Variants in SYT13 observed in about 807,000 individuals in gnomAD.
SYT13 encodes the protein synaptotagmin-13.
In SYT13, 21 loss-of-function variants were observed where a neutral mutation model predicts 38.6. The observed-to-expected ratio is 0.54, with a 90% CI of 0.39 to 0.78. The LOEUF (loss-of-function observed/expected upper bound fraction) is 0.78. Among genes scored for constraint, SYT13 ranks in the 30% least tolerant of loss-of-function variants. SYT13 has a pLI of 0.00. For synonymous variants in SYT13, 241 were observed against 237.6 expected, an observed-to-expected ratio of 1.01 and a Z score of -0.13; for missense variants, 495 against 548.7, an observed-to-expected ratio of 0.90 and a Z score of 0.98.
intron 1 of SYT13, among the ~76,000 whole-genome samples, chr11:45,275,806 T>C (rs977107815): frequency 8.5e-6 from 1 of 117,286 alleles, no homozygotes; most frequent in African/African-American, 2.6e-5. Flanking sequence ...GGCCTGGGTA[T>C]TGGGGGGAAT....
At chr11:45,258,786 G>A (rs549025511) in intron 1 of SYT13, among the ~76,000 whole-genome samples, 2 of 152,194 alleles carry the variant, frequency 1.3e-5, no homozygotes, top group East Asian at 3.9e-4. Flanking sequence ...GGGCTTGGGG[G>A]AGTAAAAGTC....
chr11:45,268,923 C>T (rs1352037982), intron 1 of SYT13, among the ~76,000 whole-genome samples: 4 of 152,150 alleles, frequency 2.6e-5, no homozygotes, highest in East Asian at 1.9e-4. Flanking sequence ...GCTACCCCGA[C>T]GCACAGTCTG....
In SYT13 at chr11:45,269,590, T is replaced by C. The variant is rs1854924817; in HGVS notation, c.184-13699A>G. The stretch of plus-strand genomic sequence containing the variant: ...TGCCTAATATTTTCTCTATTCTATA[T>C]ACCCTAATATTAACAAATAAAAAAT... On this transcript the variant is annotated intron_variant, in intron 1 of 5. Coordinates refer to ENST00000020926, the MANE Select transcript of SYT13 (RefSeq NM_020826.3). The C allele has an allele frequency of 5.1e-6, 3 of 585,964 alleles. No individual in the cohort carries two copies. The African/African-American group carries it at 6.0e-5, about 12-fold the overall frequency. The allele number at this position is 585,964 out of a possible 1,614,324, so 36.3% of individuals were successfully genotyped here. A position where few individuals can be genotyped will look rare whatever the true frequency, so the allele number is the denominator to read the frequency against.
At chr11:45,268,419 G>A (rs1854910574) in intron 1 of SYT13, among the ~76,000 whole-genome samples, 1 of 151,872 alleles carries the variant, frequency 6.6e-6, no homozygotes, top group Non-Finnish European at 1.5e-5. Flanking sequence ...CGCAGGAGTT[G>A]TTTCTACTAA....
rs1212577174 is a variant in SYT13 at position 45,243,199 on chromosome 11, T to A, written c.*853A>T. The A allele has an allele frequency of 6.6e-6, 1 of 152,146 alleles. No individual in the cohort carries two copies. The highest frequency in any genetic ancestry group is 2.1e-4 in the South Asian group (1 of 4,824). The allele number at this position is 152,146 out of a possible 1,614,324, so 9.4% of individuals were successfully genotyped here. ...AGGATAATAGAAACTGATTTTAAGA[T>A]AAAAACAATAAAATTCTTCAATAAA... On this transcript the variant is annotated 3_prime_UTR_variant, in exon 6 of 6. Coordinates refer to ENST00000020926, the MANE Select transcript of SYT13 (RefSeq NM_020826.3).
In SYT13 at chr11:45,244,442, C is replaced by A. The variant is rs1171863178; in HGVS notation, c.977-86G>T. The A allele has an allele frequency of 2.1e-6, 3 of 1,462,268 alleles. No homozygotes were observed. In the South Asian group the frequency reaches 4.0e-5, roughly 19 times the overall value. The allele number at this position is 1,462,268 out of a possible 1,614,324, so 90.6% of individuals were successfully genotyped here. On this transcript the variant is annotated intron_variant, in intron 5 of 5. Transcript: ENST00000020926. The stretch of plus-strand genomic sequence containing the variant: ...TCTGGCAGGGCCCAGGACAAAGCTC[C>A]CTCCTGGTGCTGGAAAGATGCTCAA...
intron 1 of SYT13, among the ~76,000 whole-genome samples, chr11:45,258,155 C>T (rs145721923): frequency 3.9e-5 from 6 of 152,334 alleles, no homozygotes; most frequent in African/African-American, 1.4e-4. Context: ...CCTAGATCAG[C>T]CTGGCCCAAA....
intron 1 of SYT13, 64 bp from the exon 2 acceptor site, chr11:45,255,955 A>G: frequency 1.9e-6 from 3 of 1,544,456 alleles, no homozygotes; most frequent in Non-Finnish European, 2.7e-6. Flanking sequence ...CCCCCCATGG[A>G]AGGGAGAAAC....
intron 1 of SYT13, among the ~76,000 whole-genome samples, chr11:45,281,984 G>A (rs2135912894): frequency 6.6e-6 from 1 of 152,354 alleles, no homozygotes; most frequent in South Asian, 2.1e-4. Flanking sequence ...TTGGGCGAAA[G>A]GAGGACTTTC....
intron 1 of SYT13, among the ~76,000 whole-genome samples, chr11:45,268,868 C>T (rs867209176): frequency 2.0e-5 from 3 of 152,308 alleles, no homozygotes; most frequent in African/African-American, 7.2e-5. Context: ...CATCATTCAA[C>T]ATTAAGAGCC....
chr11:45,241,245 T>C lies in SYT13; in HGVS notation c.*2807A>G, dbSNP rs1278677394. The C allele has an allele frequency of 4.6e-5, 7 of 152,358 alleles. No individual in the cohort carries two copies. The highest frequency in any genetic ancestry group is 3.9e-4 in the East Asian group (2 of 5,186). The allele number at this position is 152,358 out of a possible 1,614,324, so 9.4% of individuals were successfully genotyped here. On this transcript the variant is annotated 3_prime_UTR_variant, in exon 6 of 6. Coordinates refer to ENST00000020926, the MANE Select transcript of SYT13 (RefSeq NM_020826.3). The stretch of plus-strand genomic sequence containing the variant: ...TTGCAGTGTCTTTTTCTGCCTACTC[T>C]GCCAGCCACTCTTAATTCATTAATT...
intron 1 of SYT13, among the ~76,000 whole-genome samples, chr11:45,260,424 A>G (rs1385860672): frequency 6.6e-6 from 1 of 152,188 alleles, no homozygotes; most frequent in Non-Finnish European, 1.5e-5. Context: ...AACAGAAAAT[A>G]GGTTCAGGGG....
chr11:45,254,029 G>C (rs1854711628), intron 3 of SYT13: 1 of 370,090 alleles, frequency 2.7e-6, no homozygotes, highest in Non-Finnish European at 4.8e-6. Flanking sequence ...GCTGGAAGGA[G>C]TCTGGTCCTT....
intron 3 of SYT13, chr11:45,254,053 G>A (rs113853172): frequency 1.7e-4 from 73 of 431,148 alleles, no homozygotes; most frequent in African/African-American, 1.1e-3. Flanking sequence ...TCACCATTTG[G>A]AGAAAAAACG....
intron 1 of SYT13, among the ~76,000 whole-genome samples, chr11:45,266,061 A>T (rs1464833170): frequency 6.6e-6 from 1 of 152,204 alleles, no homozygotes; most frequent in Non-Finnish European, 1.5e-5. Flanking sequence ...CACAATAAAA[A>T]TAGAGAGAGA....
intron 4 of SYT13, among the ~76,000 whole-genome samples, chr11:45,247,649 C>G (rs1361906443): frequency 6.6e-6 from 1 of 152,214 alleles, no homozygotes; most frequent in African/African-American, 2.4e-5. Context: ...GTCTGTTCAT[C>G]CATCCTGGAC....
intron 1 of SYT13, among the ~76,000 whole-genome samples, chr11:45,260,761 G>T (rs1024411093): frequency 6.6e-6 from 1 of 152,170 alleles, no homozygotes; most frequent in African/African-American, 2.4e-5. Flanking sequence ...ATGTGCATCA[G>T]ACCCCTCAAA....
chr11:45,281,528 G>C lies in SYT13; in HGVS notation c.183+4497C>G, dbSNP rs183458417. ...CAAAAATACAAAAAAATTGCTAGGC[G>C]TTGTGGTGCACACCTATAATCTCAG... On this transcript the variant is annotated intron_variant, in intron 1 of 5. Transcript: ENST00000020926. 1.1e-4 allele frequency among the ~76,000 whole-genome samples: 16 copies of C among 152,220 alleles called. 1 individual carries two copies. Among genetic ancestry groups the C allele is most frequent in the African/African-American group, 3.9e-4 (16 of 41,532 alleles).
chr11:45,254,617 C>T lies in SYT13; in HGVS notation c.410-213G>A, dbSNP rs1854720415. 8 of 506,416 alleles carry T rather than the reference C, an allele frequency of 1.6e-5. No homozygotes were observed. The South Asian group carries it at 2.8e-4, about 18-fold the overall frequency. 31.4% of individuals were successfully genotyped at this position (506,416 alleles called of 1,614,324 possible). A position where few individuals can be genotyped will look rare whatever the true frequency, so the allele number is the denominator to read the frequency against. On this transcript the variant is annotated intron_variant, in intron 2 of 5. Transcript: ENST00000020926. Reference sequence around the variant, plus strand: ...TGTCCACTGGCTCCCTCATCAACCACACAAAACAAAACAGAGACTACACAA... The same window carrying T: ...TGTCCACTGGCTCCCTCATCAACCATACAAAACAAAACAGAGACTACACAA...
Sources: gnomAD v4.1 joint callset for allele counts (sites outside exome capture counted in the v4.1 genomes callset) on GRCh38, gnomAD v4.1.1 for gene constraint, MANE v1.5 for transcripts, NCBI Gene and HGNC (gene_info 2026-07-23, HGNC 2026-07-21) for gene names.